Variants in EPHX4 observed in about 807,000 individuals in gnomAD.
EPHX4 encodes the protein epoxide hydrolase 4.
In EPHX4, 31 loss-of-function variants were observed where a neutral mutation model predicts 44.9. The ratio of observed to expected loss-of-function variants is 0.69; its 90% CI spans 0.52 to 0.93. The LOEUF (loss-of-function observed/expected upper bound fraction) is 0.93, where lower values mean the gene tolerates loss of function less well. Among genes scored for constraint, EPHX4 ranks in the 40% least tolerant of loss-of-function variants. EPHX4 has a pLI of 0.00. For missense variants in EPHX4, 373 were observed against 438.1 expected (o/e 0.85, Z 1.33); for synonymous variants, 151 against 159.7 (o/e 0.95, Z 0.41).
chr1:92,063,030 A>C, intron 6 of EPHX4, 25 bp from the exon 7 acceptor site: 1 of 1,582,602 alleles, frequency 6.3e-7, no homozygotes, highest in South Asian at 1.1e-5. Context: ...AGTGAATCTC[A>C]AGCCCATGTA....
Position 92,048,709 on chromosome 1 carries a change from T to C in EPHX4, c.605-1608T>C, listed in dbSNP as rs182868955. 2.6e-3 allele frequency among the ~76,000 whole-genome samples: 403 copies of C among 152,218 alleles called. 1 individual carries two copies. Among genetic ancestry groups the C allele is most frequent in the African/African-American group, 9.4e-3 (391 of 41,544 alleles). On this transcript the variant is annotated intron_variant, in intron 4 of 6. Transcript: ENST00000370383. ...ATAGTACTCAAGCATAGACTTTTTT[T>C]CCCATTTTTTTAGAGACAGGATCTC...
intron 6 of EPHX4, among the ~76,000 whole-genome samples, chr1:92,055,129 G>A (rs1048761338): frequency 1.3e-5 from 2 of 152,080 alleles, no homozygotes; most frequent in African/African-American, 4.8e-5. Context: ...GGCAGAAAGG[G>A]AGAAAAAGAA....
intron 3 of EPHX4, chr1:92,043,479 CCTAATGTA>C (rs1010258265): frequency 6.7e-6 from 1 of 149,962 alleles, no homozygotes; most frequent in African/African-American, 2.5e-5. Context: ...AAAAAATAGA[CCTAATGTA>C]TGCTGTTTAT....
chr1:92,052,286 AGTGTGCAGG>A (rs909784132), intron 5 of EPHX4, among the ~76,000 whole-genome samples: 64 of 152,304 alleles, frequency 4.2e-4, no homozygotes, highest in African/African-American at 1.5e-3. Flanking sequence ...ATAAAAATGC[AGTGTGCAGG>A]GGGGATTAGA....
At chr1:92,062,105 C>T (rs1647509927) in intron 6 of EPHX4, among the ~76,000 whole-genome samples, 1 of 151,996 alleles carries the variant, frequency 6.6e-6, no homozygotes, top group Non-Finnish European at 1.5e-5. Flanking sequence ...AATCTTCTTG[C>T]AAAATATAGT....
intron 1 of EPHX4, among the ~76,000 whole-genome samples, chr1:92,031,963 G>A (rs1688367944): frequency 6.6e-6 from 1 of 152,148 alleles, no homozygotes; most frequent in South Asian, 2.1e-4. Context: ...GGGAAGGAGA[G>A]ACCTAAAAAT....
Position 92,040,176 on chromosome 1 carries a change from A to ATTTT in EPHX4, c.318-2631_318-2628dup, listed in dbSNP as rs10646888. Among the ~76,000 whole-genome samples, 466 of 112,116 alleles carry ATTTT rather than the reference A, an allele frequency of 4.2e-3. 11 individuals carry two copies. The highest frequency in any genetic ancestry group is 5.1e-3 in the African/African-American group (149 of 29,328). The allele number at this position is 112,116 out of a possible 152,430, so 73.6% of individuals were successfully genotyped here. On this transcript the variant is annotated intron_variant, in intron 2 of 6. Coordinates refer to ENST00000370383, the MANE Select transcript of EPHX4 (RefSeq NM_173567.5). ...ATAAGGTGGTTGATTTGTTACAATGATTTTTTTTTTTTTTTTTTTGGCAGG... is the reference window on the plus strand; with the variant it reads ...ATAAGGTGGTTGATTTGTTACAATGATTTTTTTTTTTTTTTTTTTTTTTGGCAGG...
At chr1:92,041,747 A>C (rs986571447) in intron 2 of EPHX4, among the ~76,000 whole-genome samples, 6 of 152,232 alleles carry the variant, frequency 3.9e-5, no homozygotes, top group Admixed American at 3.9e-4. Flanking sequence ...AGCTTTAAAA[A>C]TTGACTTATT....
intron 6 of EPHX4, among the ~76,000 whole-genome samples, chr1:92,059,143 A>G (rs1483844902): frequency 6.6e-6 from 1 of 152,212 alleles, no homozygotes; most frequent in Non-Finnish European, 1.5e-5. Flanking sequence ...AAGAATAAAG[A>G]TAAACTCGAG....
chr1:92,044,454 T>C (rs1368608552), intron 3 of EPHX4, among the ~76,000 whole-genome samples: 1 of 152,184 alleles, frequency 6.6e-6, no homozygotes, highest in Non-Finnish European at 1.5e-5. Flanking sequence ...ATGGTGAGAA[T>C]TACTTCCTTG....
chr1:92,054,382 A>G (rs1647320184), intron 6 of EPHX4, among the ~76,000 whole-genome samples: 1 of 152,184 alleles, frequency 6.6e-6, no homozygotes, highest in Non-Finnish European at 1.5e-5. Flanking sequence ...TGAGGTCAGG[A>G]GTTCGAGACC....
intron 2 of EPHX4, among the ~76,000 whole-genome samples, chr1:92,040,207 GCT>G (rs779106234): frequency 2.4e-5 from 3 of 125,662 alleles, no homozygotes; most frequent in South Asian, 5.0e-4. Flanking sequence ...GCAGGTTCTG[GCT>G]CTGTCACTCA....
At chr1:92,031,919 G>A (rs1688367526) in intron 1 of EPHX4, among the ~76,000 whole-genome samples, 1 of 152,014 alleles carries the variant, frequency 6.6e-6, no homozygotes, top group South Asian at 2.1e-4. Flanking sequence ...GGCAGCAAGG[G>A]GAACAGAACA....
intron 6 of EPHX4, among the ~76,000 whole-genome samples, chr1:92,055,403 A>C (rs1410055932): frequency 1.3e-5 from 2 of 152,226 alleles, no homozygotes; most frequent in Non-Finnish European, 2.9e-5. Flanking sequence ...TGTGGAATCC[A>C]AAGGGAGTCA....
chr1:92,059,936 T>C (rs2101876727), intron 6 of EPHX4, among the ~76,000 whole-genome samples: 1 of 148,516 alleles, frequency 6.7e-6, no homozygotes, highest in South Asian at 2.4e-4. Context: ...CACACTTCAC[T>C]CCAGCCTCGA....
At chr1:92,030,477 T>TGTGTGTGTGTGTGA (rs1688342189) in intron 1 of EPHX4, among the ~76,000 whole-genome samples, 167 bp downstream of exon 1, 1 of 145,046 alleles carries the variant, frequency 6.9e-6, no homozygotes, top group African/African-American at 2.6e-5. Flanking sequence ...TGTGTGTGTG[T>TGTGTGTGTGTGTGA]GTGTGTGTGA....
intron 4 of EPHX4, 147 bp from the exon 5 acceptor site, chr1:92,050,168 TAA>T (rs946050833): frequency 6.8e-6 from 4 of 585,256 alleles, no homozygotes; most frequent in Non-Finnish European, 1.2e-5. Context: ...ACTCAAGATA[TAA>T]GAGCATAGAA....
At position 92,055,271 on chromosome 1, in the gene EPHX4, G is replaced by T. The variant is rs1044723633; in HGVS notation, c.857+2613G>T. Among the ~76,000 whole-genome samples the T allele has an allele frequency of 3.9e-5, 6 of 152,064 alleles. No homozygotes were observed. The East Asian group carries it at 9.6e-4, about 24-fold the overall frequency. ...AGAATATCAGATTGGATTTTTAAAAGAATCCATCTATATGGTGTTTGCACA... is the reference window on the plus strand; with the variant it reads ...AGAATATCAGATTGGATTTTTAAAATAATCCATCTATATGGTGTTTGCACA... On this transcript the variant is annotated intron_variant, in intron 6 of 6. Transcript: ENST00000370383.
chr1:92,029,992 G>C lies in EPHX4; in HGVS notation c.-88G>C. The C allele has an allele frequency of 5.4e-6, 5 of 924,030 alleles. No homozygotes were observed. Among genetic ancestry groups the C allele is most frequent in the Non-Finnish European group, 5.6e-6 (4 of 708,636 alleles). The allele number at this position is 924,030 out of a possible 1,614,324, so 57.2% of individuals were successfully genotyped here. A position where few individuals can be genotyped will look rare whatever the true frequency, so the allele number is the denominator to read the frequency against. On this transcript the variant is annotated 5_prime_UTR_variant, in exon 1 of 7. Coordinates refer to ENST00000370383, the MANE Select transcript of EPHX4 (RefSeq NM_173567.5). ...CCCCGGGCCGGGGGAGGCGCGCGTC[G>C]AGAGGCGACGGCGGGCTGGCCTGGC...
Sources: allele counts gnomAD v4.1 joint callset (sites outside exome capture counted in the v4.1 genomes callset), GRCh38; gene constraint gnomAD v4.1.1; transcripts MANE v1.5; gene names NCBI Gene and HGNC (gene_info 2026-07-23, HGNC 2026-07-21).